CSMD1: variants seen among roughly 807,000 people sequenced by gnomAD.
CSMD1 encodes CUB and Sushi multiple domains 1, also known as CUB and sushi domain-containing protein 1.
CSMD1 carries 213 observed loss-of-function variants against 417.5 expected under a neutral mutation model. The ratio of observed to expected loss-of-function variants is 0.51; its 90% CI spans 0.46 to 0.57. The LOEUF (loss-of-function observed/expected upper bound fraction) is 0.57. CSMD1 is among the 20% of genes least tolerant of loss of function. The pLI is 0.00. For synonymous variants in CSMD1, 2,862 were observed against 1,736.8 expected (o/e 1.65, Z -16.11); for missense variants, 6,923 against 4,529.7 (o/e 1.53, Z -15.17).
chr8:4,586,212 G>A (rs976902134), intron 2 of CSMD1, among the ~76,000 whole-genome samples: 1 of 152,062 alleles, frequency 6.6e-6, no homozygotes, highest in African/African-American at 2.4e-5. Flanking sequence ...ATAAATTATT[G>A]TTAACTATGG....
At chr8:4,934,120 C>T (rs999238017) in intron 1 of CSMD1, among the ~76,000 whole-genome samples, 1 of 152,250 alleles carries the variant, frequency 6.6e-6, no homozygotes, top group Admixed American at 6.5e-5. Flanking sequence ...AGGGAGAGAC[C>T]TTTGACAAGG....
intron 3 of CSMD1, among the ~76,000 whole-genome samples, chr8:4,162,801 A>G (rs34904925): frequency 0.39 from 59,439 of 151,886 alleles, 11,823 homozygotes; most frequent in Middle Eastern, 0.5. Context: ...GGTATTGTAC[A>G]TGCTATGGGT....
intron 5 of CSMD1, among the ~76,000 whole-genome samples, chr8:3,801,208 C>T (rs1327737801): frequency 6.6e-6 from 1 of 151,350 alleles, no homozygotes; most frequent in Non-Finnish European, 1.5e-5. Context: ...GCAAATACTA[C>T]ATCCAAAACG....
intron 7 of CSMD1, among the ~76,000 whole-genome samples, chr8:3,640,797 C>A (rs1797266928): frequency 1.3e-5 from 2 of 152,010 alleles, no homozygotes; most frequent in South Asian, 4.1e-4. Context: ...GAGACGGCCT[C>A]ACAGAGGGAT....
chr8:3,338,625 A>C (rs1052048663), intron 23 of CSMD1, among the ~76,000 whole-genome samples: 4 of 152,174 alleles, frequency 2.6e-5, no homozygotes, highest in Non-Finnish European at 5.9e-5. Context: ...CTCTCCCGTG[A>C]TACCAGCTAT....
intron 12 of CSMD1, among the ~76,000 whole-genome samples, chr8:3,430,934 C>G (rs1381040502): frequency 6.6e-6 from 1 of 152,158 alleles, no homozygotes; most frequent in African/African-American, 2.4e-5. Context: ...TGAATAGTTG[C>G]ATGACTAGTA....
At chr8:4,129,519 G>A (rs1335457663) in intron 3 of CSMD1, among the ~76,000 whole-genome samples, 1 of 152,054 alleles carries the variant, frequency 6.6e-6, no homozygotes. Context: ...TTTTGCCAGG[G>A]CATAGGAATC....
Position 4,419,251 on chromosome 8 carries a change from C to T in CSMD1, c.415+702G>A, listed in dbSNP as rs573889363. ...TAGCTCTTGTATTACGTGTAAAAGGCAATTTAAAATCTCCATCCAAAACAA... is the reference window on the plus strand; with the variant it reads ...TAGCTCTTGTATTACGTGTAAAAGGTAATTTAAAATCTCCATCCAAAACAA... On this transcript the variant is annotated intron_variant, in intron 3 of 69. Coordinates refer to ENST00000635120, the MANE Select transcript of CSMD1 (RefSeq NM_033225.6). Among the ~76,000 whole-genome samples, 7 of 152,216 alleles carry T rather than the reference C, an allele frequency of 4.6e-5. No homozygotes were observed. The South Asian group carries it at 1.2e-3, about 27-fold the overall frequency.
Position 3,776,807 on chromosome 8 carries a change from G to GATATATATATATATATATATATATATAT in CSMD1, c.819-22766_819-22765insATATATATATATATATATATATATATAT, listed in dbSNP as rs151060171. Among the ~76,000 whole-genome samples, 791 of 139,656 alleles carry GATATATATATATATATATATATATATAT rather than the reference G, an allele frequency of 5.7e-3. 25 individuals are homozygous for GATATATATATATATATATATATATATAT. The highest frequency in any genetic ancestry group is 0.017 in the African/African-American group (579 of 34,860). The allele number at this position is 139,656 out of a possible 152,430, so 91.6% of individuals were successfully genotyped here. A position where few individuals can be genotyped will look rare whatever the true frequency, so the allele number is the denominator to read the frequency against. ...GTGATAGATAGTGACATATAGACGA[G>GATATATATATATATATATATATATATAT]ATATATATATATATATACAGATGAC... On this transcript the variant is annotated intron_variant, in intron 5 of 69. Coordinates refer to ENST00000635120, the MANE Select transcript of CSMD1 (RefSeq NM_033225.6).
intron 1 of CSMD1, among the ~76,000 whole-genome samples, chr8:4,903,213 C>G (rs1805011991): frequency 6.6e-6 from 1 of 152,120 alleles, no homozygotes; most frequent in African/African-American, 2.4e-5. Context: ...AACAGTGCTT[C>G]TCTCTGACCA....
chr8:3,187,163 GATC>G (rs1796103638), intron 36 of CSMD1, among the ~76,000 whole-genome samples: 1 of 152,214 alleles, frequency 6.6e-6, no homozygotes, highest in South Asian at 2.1e-4. Context: ...TCGCAATACT[GATC>G]ATCATCACTG....
intron 3 of CSMD1, among the ~76,000 whole-genome samples, chr8:4,366,856 A>C (rs1006026647): frequency 6.6e-6 from 1 of 152,106 alleles, no homozygotes; most frequent in African/African-American, 2.4e-5. Flanking sequence ...TCTTTTGAGA[A>C]GTGCCTGTTC....
intron 25 of CSMD1, among the ~76,000 whole-genome samples, chr8:3,298,998 A>G (rs1804179374): frequency 6.6e-6 from 1 of 152,212 alleles, no homozygotes; most frequent in Non-Finnish European, 1.5e-5. Context: ...CCCTGGTACC[A>G]TGGAGTTTTG....
At chr8:4,531,389 A>G (rs542348443) in intron 2 of CSMD1, among the ~76,000 whole-genome samples, 14 of 152,318 alleles carry the variant, frequency 9.2e-5, no homozygotes, top group African/African-American at 3.4e-4. Context: ...AAAGTCTTGA[A>G]GTCAGATGAT....
chr8:4,637,455 G>C lies in CSMD1; in HGVS notation c.189C>G (p.Ile63Met). 6.2e-7 allele frequency: 1 copy of C among 1,613,880 alleles called. No individual in the cohort carries two copies. Among genetic ancestry groups the C allele is most frequent in the Non-Finnish European group, 8.5e-7 (1 of 1,179,878 alleles). Residue 63 changes from isoleucine to methionine, a missense_variant, in exon 2 of 70, where the codon ATC becomes ATG. By Grantham distance (10) the Ile-to-Met change is conservative. Transcript: ENST00000635120. The part of the protein sequence containing the change: ...PNYANCTWII[I>M]TGERNRIQLS... ...ACTGTATCCTATTGCGCTCGCCCGT[G>C]ATGATGATCCAGGTGCAGTTGGCAT... is the stretch of plus-strand genomic sequence containing the variant.
At chr8:4,847,418 C>G (rs919567078) in intron 1 of CSMD1, among the ~76,000 whole-genome samples, 4 of 152,020 alleles carry the variant, frequency 2.6e-5, no homozygotes, top group South Asian at 2.1e-4. Flanking sequence ...AAATTTCAAA[C>G]ACTTTTGGAT....
In CSMD1 at chr8:4,887,776, T is replaced by A. The variant is rs182677016; in HGVS notation, c.85+106556A>T. ...GAGTTGACAATTTTATCATTTTTTTTAAATGTCTCACTTCGTTTCTAGTGA... is the reference window on the plus strand; with the variant it reads ...GAGTTGACAATTTTATCATTTTTTTAAAATGTCTCACTTCGTTTCTAGTGA... On this transcript the variant is annotated intron_variant, in intron 1 of 69. Transcript: ENST00000635120. Among the ~76,000 whole-genome samples, 236 of 152,212 alleles carry A rather than the reference T, an allele frequency of 1.6e-3. 4 individuals carry two copies. The highest frequency in any genetic ancestry group is 5.6e-3 in the African/African-American group (231 of 41,522).
chr8:4,763,200 G>A (rs185563995), intron 1 of CSMD1, among the ~76,000 whole-genome samples: 4 of 152,294 alleles, frequency 2.6e-5, no homozygotes, highest in African/African-American at 9.6e-5. Flanking sequence ...GGGTAGAATT[G>A]ACTTCAAAAC....
chr8:3,824,319 A>C (rs1291042751), intron 5 of CSMD1, among the ~76,000 whole-genome samples: 1 of 152,222 alleles, frequency 6.6e-6, no homozygotes, highest in African/African-American at 2.4e-5. Context: ...CAGCCTAGGA[A>C]TACTGAGAGG....
Sources: allele counts gnomAD v4.1 joint callset (sites outside exome capture counted in the v4.1 genomes callset), GRCh38; gene constraint gnomAD v4.1.1; transcripts MANE v1.5; gene names NCBI Gene and HGNC (gene_info 2026-07-23, HGNC 2026-07-21).